Variants in DMD observed in about 807,000 individuals in gnomAD.
DMD encodes the protein dystrophin, also known as mutant dystrophin.
In DMD, 63 loss-of-function variants were observed where a neutral mutation model predicts 330.1. That is an observed-to-expected ratio of 0.19 (90% CI 0.16 to 0.24). The LOEUF (loss-of-function observed/expected upper bound fraction) is 0.24. DMD is among the 10% of genes least tolerant of loss of function. The probability of loss-of-function intolerance (pLI) is 1.00; values close to 1 mark genes in which losing one functional copy is unlikely to be tolerated. For synonymous variants in DMD, 1,223 were observed against 959.8 expected (o/e 1.27, Z -5.07); for missense variants, 3,344 against 2,684.1 (o/e 1.25, Z -5.43).
At chrX:31,239,934 G>A (rs993998263) in intron 63 of DMD, among the ~76,000 whole-genome samples, 1 of 111,515 alleles carries the variant, frequency 9.0e-6, no homozygotes, top group Non-Finnish European at 1.9e-5. Context: ...TAGACGTGCC[G>A]CCTTTAAGAA....
chrX:31,957,056 C>T (rs961389312), intron 45 of DMD, among the ~76,000 whole-genome samples: 3 of 111,731 alleles, frequency 2.7e-5, no homozygotes, highest in Admixed American at 9.5e-5. Context: ...GGGGGCCAGA[C>T]GTCGTGGCAC....
At chrX:31,539,684 G>GAGATCATC (rs1490764935) in intron 55 of DMD, among the ~76,000 whole-genome samples, 3 of 112,078 alleles carry the variant, frequency 2.7e-5, no homozygotes, top group African/African-American at 9.7e-5. Context: ...GAACAACGAA[G>GAGATCATC]AGATCATCTG....
chrX:31,801,451 T>C lies in DMD; in HGVS notation c.7309+18524A>G, dbSNP rs771996777. Among the ~76,000 whole-genome samples, 3 of 110,967 alleles carry C rather than the reference T, an allele frequency of 2.7e-5. No homozygotes were observed. In the East Asian group the frequency reaches 8.5e-4, roughly 32 times the overall value. ...GTGGGGACACAGCCAAACCATATCA[T>C]TGGTCAAAGGGCACAAACTTTCAGT... On this transcript the variant is annotated intron_variant, in intron 50 of 78. Coordinates refer to ENST00000357033, the MANE Select transcript of DMD (RefSeq NM_004006.3).
At chrX:31,536,002 A>G (rs1249420206) in intron 55 of DMD, among the ~76,000 whole-genome samples, 2 of 112,172 alleles carry the variant, frequency 1.8e-5, no homozygotes, top group African/African-American at 6.5e-5. Flanking sequence ...AAATCAGCTA[A>G]AAGGGTAAAA....
intron 49 of DMD, among the ~76,000 whole-genome samples, chrX:31,831,746 CT>C (rs1894391842): frequency 9.0e-6 from 1 of 110,629 alleles, no homozygotes; most frequent in Admixed American, 9.6e-5. Context: ...CTACAGATGC[CT>C]GCCACCAAGC....
Position 33,004,408 on chromosome X carries a change from G to C in DMD, c.93+15731C>G, listed in dbSNP as rs138802341. ...TCAGTGTGGAATGAGACTTACCAATGAATATCTGCATGCTAGGTATACTCA... is the reference window on the plus strand; with the variant it reads ...TCAGTGTGGAATGAGACTTACCAATCAATATCTGCATGCTAGGTATACTCA... On this transcript the variant is annotated intron_variant, in intron 2 of 78. Coordinates refer to ENST00000357033, the MANE Select transcript of DMD (RefSeq NM_004006.3). Among the ~76,000 whole-genome samples, 5 of 111,289 alleles carry C rather than the reference G, an allele frequency of 4.5e-5. No individual in the cohort carries two copies. In the East Asian group the frequency reaches 1.4e-3, roughly 32 times the overall value.
intron 67 of DMD, among the ~76,000 whole-genome samples, chrX:31,183,409 G>C (rs140649276): frequency 0.032 from 3,546 of 110,284 alleles, 156 homozygotes; most frequent in African/African-American, 0.11. Context: ...TGATTTTGTA[G>C]ACCAGAAAAG....
Position 31,348,606 on chromosome X carries a change from A to T in DMD, c.9113T>A (p.Leu3038Gln), listed in dbSNP as rs1345504909. The change falls in exon 61 of 79, where the codon CTG becomes CAG. Residue 3038 changes from leucine (L) to glutamine (Q), a missense_variant. Physicochemically the swap from Leu to Gln is moderately radical, Grantham distance 113 (BLOSUM62 -2). Coordinates refer to ENST00000357033, the MANE Select transcript of DMD (RefSeq NM_004006.3). ...ACCAAAGTCCCTGTGGGCTTCATGC[A>T]GCTGCCTGACTCGGTCCTCGACGGC... The part of the protein sequence containing the change: ...QVAVEDRVRQ[L>Q]HEAHRDFGPA... 8.3e-7 allele frequency: 1 copy of T among 1,209,695 alleles called. No individual in the cohort carries two copies. Among genetic ancestry groups the T allele is most frequent in the Non-Finnish European group, 1.1e-6 (1 of 894,994 alleles).
intron 61 of DMD, among the ~76,000 whole-genome samples, chrX:31,340,449 A>C (rs2057668542): frequency 8.9e-6 from 1 of 112,658 alleles, no homozygotes; most frequent in East Asian, 2.8e-4. Flanking sequence ...TTGTAAAAGT[A>C]AAAAGAAAGA....
At chrX:31,311,115 G>T (rs1282793314) in intron 62 of DMD, among the ~76,000 whole-genome samples, 1 of 111,279 alleles carries the variant, frequency 9.0e-6, no homozygotes, top group African/African-American at 3.3e-5. Context: ...TGTAATACAT[G>T]GGCAGACTCA....
intron 42 of DMD, among the ~76,000 whole-genome samples, chrX:32,303,573 G>T (rs1030290227): frequency 9.0e-6 from 1 of 111,033 alleles, no homozygotes; most frequent in Non-Finnish European, 1.9e-5. Flanking sequence ...ATAGCTTTAA[G>T]CAGTTTTAGG....
intron 30 of DMD, among the ~76,000 whole-genome samples, chrX:32,400,439 C>G (rs894854149): frequency 1.8e-3 from 198 of 111,019 alleles, no homozygotes; most frequent in Non-Finnish European, 3.0e-3. Flanking sequence ...TGTGTCTCTG[C>G]CCGGCTTTGG....
intron 1 of DMD, among the ~76,000 whole-genome samples, chrX:33,272,037 C>G (rs1472523361): frequency 9.1e-6 from 1 of 109,644 alleles, no homozygotes; most frequent in Admixed American, 9.7e-5. Flanking sequence ...GTGCCCACCA[C>G]CACGCCTGAC....
intron 2 of DMD, among the ~76,000 whole-genome samples, chrX:32,850,457 A>AC (rs200935608): frequency 0.022 from 2,505 of 112,166 alleles, 33 homozygotes; most frequent in Non-Finnish European, 0.032. Flanking sequence ...AACATTTTTA[A>AC]CGTAAATACT....
chrX:32,275,859 T>C (rs750797376), intron 43 of DMD, among the ~76,000 whole-genome samples: 15 of 111,162 alleles, frequency 1.3e-4, no homozygotes, highest in Non-Finnish European at 2.1e-4. Flanking sequence ...AAACATCAAA[T>C]TGTAACAACT....
chrX:32,759,921 T>A (rs1007643777), intron 7 of DMD, among the ~76,000 whole-genome samples: 1 of 106,839 alleles, frequency 9.4e-6, no homozygotes, highest in African/African-American at 3.4e-5. Flanking sequence ...AATTTTCCAC[T>A]CAGAAAGTAG....
At chrX:31,650,309 A>T (rs1188821242) in intron 54 of DMD, among the ~76,000 whole-genome samples, 1 of 108,120 alleles carries the variant, frequency 9.2e-6, no homozygotes, top group Non-Finnish European at 1.9e-5. Context: ...GCAGGCCCCA[A>T]TGTAATAAAG....
At chrX:32,591,046 G>A (rs1439804709) in intron 13 of DMD, among the ~76,000 whole-genome samples, 1 of 111,194 alleles carries the variant, frequency 9.0e-6, no homozygotes, top group Admixed American at 9.6e-5. Context: ...AATACGATAT[G>A]ATAGTCTTGC....
At chrX:32,736,803 T>C (rs2068560267) in intron 7 of DMD, among the ~76,000 whole-genome samples, 2 of 108,176 alleles carry the variant, frequency 1.8e-5, no homozygotes, top group African/African-American at 6.9e-5. Context: ...CACTGGGAGA[T>C]TTATCTAATG....
Sources: allele counts gnomAD v4.1 joint callset (sites outside exome capture counted in the v4.1 genomes callset), GRCh38; gene constraint gnomAD v4.1.1; transcripts MANE v1.5; gene names NCBI Gene and HGNC (gene_info 2026-07-23, HGNC 2026-07-21).